GGH: variants seen among roughly 807,000 people sequenced by gnomAD.
GGH encodes the protein gamma-glutamyl hydrolase.
GGH carries 18 observed loss-of-function variants against 39.2 expected under a neutral mutation model. The ratio of observed to expected loss-of-function variants is 0.46; its 90% CI spans 0.32 to 0.68. GGH has a LOEUF of 0.68. Ranked by LOEUF, GGH falls within the 30% of genes least tolerant of loss-of-function variation. GGH has a pLI of 0.04. For missense variants in GGH, 367 were observed against 384.1 expected, an observed-to-expected ratio of 0.96 and a Z score of 0.37; for synonymous variants, 147 against 138.8, an observed-to-expected ratio of 1.06 and a Z score of -0.42.
At chr8:63,037,290 A>G (rs773224906) in intron 1 of GGH, among the ~76,000 whole-genome samples, 3 of 152,168 alleles carry the variant, frequency 2.0e-5, no homozygotes, top group Non-Finnish European at 4.4e-5. Flanking sequence ...GGAGTGTCAT[A>G]GGAAATGGAG....
chr8:63,030,337 T>C (rs1349286448), intron 2 of GGH, 120 bp from the exon 3 acceptor site: 2 of 586,966 alleles, frequency 3.4e-6, no homozygotes, highest in Admixed American at 2.9e-5. Flanking sequence ...CTAGACAATA[T>C]TACCTCTCTA....
chr8:63,030,017 T>C (rs1804773813), intron 3 of GGH, 150 bp downstream of exon 3: 1 of 458,178 alleles, frequency 2.2e-6, no homozygotes, highest in Non-Finnish European at 4.0e-6. Context: ...CCCAAGAAAA[T>C]AAATCCTATA....
In GGH at chr8:63,035,645, C is replaced by A; in HGVS notation, c.224+11G>T. On this transcript the variant is annotated intron_variant, in intron 2 of 8. Coordinates refer to ENST00000260118, the MANE Select transcript of GGH (RefSeq NM_003878.3). Reference sequence around the variant, plus strand: ...ACAGAGTAAAAAAAAAAAAAAAACACTGAATCATACCTTACTGGTACAACT... The same window carrying A: ...ACAGAGTAAAAAAAAAAAAAAAACAATGAATCATACCTTACTGGTACAACT... 6.3e-7 allele frequency: 1 copy of A among 1,576,846 alleles called. No homozygotes were observed. The highest frequency in any genetic ancestry group is 1.9e-5 in the Admixed American group (1 of 51,580).
Position 63,036,274 on chromosome 8 carries a change from A to C in GGH, c.110-504T>G, listed in dbSNP as rs543884750. 4.0e-5 allele frequency among the ~76,000 whole-genome samples: 6 copies of C among 151,146 alleles called. No homozygotes were observed. The South Asian group carries it at 1.3e-3, about 32-fold the overall frequency. On this transcript the variant is annotated intron_variant, in intron 1 of 8. Coordinates refer to ENST00000260118, the MANE Select transcript of GGH (RefSeq NM_003878.3). ...GTCTTGTTATATCTTTTCTTAAGAA[A>C]CCCCCCCAAGCTCCAAGCAGCTCCC...
intron 3 of GGH, among the ~76,000 whole-genome samples, chr8:63,027,598 C>T (rs1223742255): frequency 3.3e-5 from 5 of 151,990 alleles, no homozygotes; most frequent in African/African-American, 9.7e-5. Context: ...AGACAAAATT[C>T]CAGGTATAGC....
At position 63,026,226 on chromosome 8, in the gene GGH, A is replaced by C. The variant is rs181913501; in HGVS notation, c.431T>G (p.Ile144Ser). 3 of 1,611,062 alleles carry C rather than the reference A, an allele frequency of 1.9e-6. No individual in the cohort carries two copies. Among genetic ancestry groups the C allele is most frequent in the Non-Finnish European group, 2.5e-6 (3 of 1,177,816 alleles). ...GGCAGTTAATAAGCACTCTCCACTA[A>C]TCAGCAGTGAAAGCTCTTCAAATCC... ...CLGFEELSLLISGECLLTATD... is the reference protein window; with the variant it reads ...CLGFEELSLLSSGECLLTATD... Residue 144 changes from isoleucine to serine, a missense_variant, in exon 5 of 9, where the codon ATT becomes AGT. Coordinates refer to ENST00000260118, the MANE Select transcript of GGH (RefSeq NM_003878.3).
chr8:63,036,784 A>G (rs1030713661), intron 1 of GGH, among the ~76,000 whole-genome samples: 9 of 152,334 alleles, frequency 5.9e-5, no homozygotes, highest in Middle Eastern at 3.4e-3. Flanking sequence ...CAAGGAATCC[A>G]TATTATTAGA....
chr8:63,035,601 G>A (rs774461451), intron 2 of GGH, 55 bp downstream of exon 2: 107 of 1,566,062 alleles, frequency 6.8e-5, no homozygotes, highest in South Asian at 6.3e-4. Flanking sequence ...CACCGCACCC[G>A]TACGCAGCAA....
intron 3 of GGH, chr8:63,028,495 T>C (rs1379794858): frequency 6.6e-6 from 1 of 152,150 alleles, no homozygotes; most frequent in Non-Finnish European, 1.5e-5. Context: ...TGTCTTTTCA[T>C]CTCTGCATTC....
At chr8:63,024,262 A>G (rs1387456717) in intron 5 of GGH, 76 bp from the exon 6 acceptor site, 1 of 776,410 alleles carries the variant, frequency 1.3e-6, no homozygotes, top group Non-Finnish European at 2.2e-6. Context: ...TACTGCACCC[A>G]AAGAGAAGCC....
At chr8:63,030,301 G>T in intron 2 of GGH, 84 bp from the exon 3 acceptor site, 1 of 694,786 alleles carries the variant, frequency 1.4e-6, no homozygotes, top group Non-Finnish European at 2.5e-6. Flanking sequence ...CTTTTAAAAA[G>T]CCAAATAAAA....
rs1804464219 is a variant in GGH at position 63,015,243 on chromosome 8, A to C, written c.*89T>G. 1 of 653,840 alleles carries C rather than the reference A, an allele frequency of 1.5e-6. No homozygotes were observed. The highest frequency in any genetic ancestry group is 2.6e-6 in the Non-Finnish European group (1 of 384,724). The allele number at this position is 653,840 out of a possible 1,614,324, so 40.5% of individuals were successfully genotyped here. A position where few individuals can be genotyped will look rare whatever the true frequency, so the allele number is the denominator to read the frequency against. On this transcript the variant is annotated 3_prime_UTR_variant, in exon 9 of 9. Coordinates refer to ENST00000260118, the MANE Select transcript of GGH (RefSeq NM_003878.3). The stretch of plus-strand genomic sequence containing the variant: ...GGCACATTATAGAAAAGAATCTGTG[A>C]CTTCCTAATCTTGCCATGAGTAGCA...
At chr8:63,020,401 A>G (rs148974530) in intron 7 of GGH, among the ~76,000 whole-genome samples, 1 of 152,328 alleles carries the variant, frequency 6.6e-6, no homozygotes, top group East Asian at 1.9e-4. Context: ...TTCAACATCT[A>G]TGAGCCCTAG....
chr8:63,029,004 A>G (rs915177982), intron 3 of GGH, among the ~76,000 whole-genome samples: 1 of 152,242 alleles, frequency 6.6e-6, no homozygotes, highest in African/African-American at 2.4e-5. Context: ...GTTTTACTAA[A>G]TTGAACTGAT....
chr8:63,038,614 C>T, intron 1 of GGH, 46 bp downstream of exon 1: 1 of 1,052,826 alleles, frequency 9.5e-7, no homozygotes, highest in Non-Finnish European at 1.3e-6. Context: ...CCAGCGCCAA[C>T]ACCCAGCTCC....
At chr8:63,017,067 T>C (rs1361591872) in intron 8 of GGH, among the ~76,000 whole-genome samples, 1 of 152,180 alleles carries the variant, frequency 6.6e-6, no homozygotes, top group East Asian at 1.9e-4. Flanking sequence ...AGTCTGCACC[T>C]GTAGTCCCAG....
chr8:63,024,154 G>A lies in GGH; in HGVS notation c.532C>T (p.Pro178Ser), dbSNP rs1804644320. ...GCTAATGACAGCAACAACTCAGTAG[G>A]AAAATTCTGGAACATTCTGCTGTGC... Reference protein sequence around the residue: ...QLHSRMFQNFPTELLLSLAVE... With the variant: ...QLHSRMFQNFSTELLLSLAVE... Residue 178 changes from proline to serine, a missense_variant, in exon 6 of 9, where the codon CCT (proline) becomes TCT (serine). Physicochemically the swap from Pro to Ser is moderately conservative, Grantham distance 74 (BLOSUM62 -1). Coordinates refer to ENST00000260118, the MANE Select transcript of GGH (RefSeq NM_003878.3). 7.5e-6 allele frequency: 12 copies of A among 1,608,338 alleles called. No homozygotes were observed. In the South Asian group the frequency reaches 1.2e-4, roughly 16 times the overall value.
chr8:63,017,483 C>T lies in GGH; in HGVS notation c.835+10G>A. ...CCCCAGAATAACAAAATTATGTACCCTCATATTACCTTCATTAACAAAAAA... is the reference window on the plus strand; with the variant it reads ...CCCCAGAATAACAAAATTATGTACCTTCATATTACCTTCATTAACAAAAAA... On this transcript the variant is annotated intron_variant, in intron 8 of 8. Transcript: ENST00000260118. 8.1e-6 allele frequency: 13 copies of T among 1,599,206 alleles called. No individual in the cohort carries two copies. Among genetic ancestry groups the T allele is most frequent in the Non-Finnish European group, 1.1e-5 (13 of 1,171,598 alleles).
chr8:63,033,296 A>G (rs1218864453), intron 2 of GGH, among the ~76,000 whole-genome samples: 1 of 152,192 alleles, frequency 6.6e-6, no homozygotes, highest in African/African-American at 2.4e-5. Context: ...ACTGTCTTCA[A>G]TTTTTTGGAT....
Sources: allele counts gnomAD v4.1 joint callset (sites outside exome capture counted in the v4.1 genomes callset), GRCh38; gene constraint gnomAD v4.1.1; transcripts MANE v1.5; gene names NCBI Gene and HGNC (gene_info 2026-07-23, HGNC 2026-07-21).